SGIP1: variants seen among roughly 807,000 people sequenced by gnomAD.
The protein encoded by SGIP1 is SH3-containing GRB2-like protein 3-interacting protein 1.
In SGIP1, 38 loss-of-function variants were observed where a neutral mutation model predicts 107.5. The ratio of observed to expected loss-of-function variants is 0.35; its 90% CI spans 0.27 to 0.46. The LOEUF (loss-of-function observed/expected upper bound fraction) is 0.46. SGIP1 is among the 20% of genes least tolerant of loss of function. The pLI, the probability that SGIP1 is intolerant of heterozygous loss-of-function variation, is 1.00. For synonymous variants in SGIP1, 365 were observed against 366.1 expected (o/e 1.00, Z 0.03); for missense variants, 929 against 1,019.5 (o/e 0.91, Z 1.21).
intron 7 of SGIP1, among the ~76,000 whole-genome samples, chr1:66,645,010 G>A (rs1310016306): frequency 1.3e-5 from 2 of 152,062 alleles, no homozygotes; most frequent in African/African-American, 4.8e-5. Context: ...CTTTTCAGTG[G>A]CATCTTTCAA....
chr1:66,574,818 A>T (rs1056500592), intron 1 of SGIP1, among the ~76,000 whole-genome samples: 5 of 151,732 alleles, frequency 3.3e-5, no homozygotes, highest in African/African-American at 1.2e-4. Flanking sequence ...ACGCACATGT[A>T]TATGTGTGTA....
At position 66,682,294 on chromosome 1, in the gene SGIP1, C is replaced by G; in HGVS notation, c.1240C>G (p.Pro414Ala). ...GGGACAAAGAGCAACTCCACCTCCCCCACCACCACCCACCTACAGGACTGT... is the reference window on the plus strand; with the variant it reads ...GGGACAAAGAGCAACTCCACCTCCCGCACCACCACCCACCTACAGGACTGT... ...GLGQRATPPP[P>A]PPPTYRTVVS... Residue 414 changes from proline (P) to alanine (A), a missense_variant, in exon 15 of 25, where the codon CCA (proline) becomes GCA (alanine). By Grantham distance (27) the Pro-to-Ala change is conservative. Transcript: ENST00000371037. 6.2e-7 allele frequency: 1 copy of G among 1,614,236 alleles called. No individual in the cohort carries two copies. The highest frequency in any genetic ancestry group is 1.6e-4 in the Middle Eastern group (1 of 6,062).
intron 2 of SGIP1, among the ~76,000 whole-genome samples, chr1:66,630,877 A>AAGAGAGAGAGAGAG: frequency 1.7e-5 from 1 of 59,134 alleles, no homozygotes; most frequent in South Asian, 1.8e-3. Flanking sequence ...GAAAGAAAGA[A>AAGAGAGAGAGAGAG]AGAAAGAAAG....
chr1:66,739,831 C>T (rs2094389944), intron 22 of SGIP1, among the ~76,000 whole-genome samples: 1 of 152,180 alleles, frequency 6.6e-6, no homozygotes, highest in Non-Finnish European at 1.5e-5. Context: ...AAGTAGAAGG[C>T]TACCGGTAGA....
At chr1:66,681,213 G>T (rs1199940098) in intron 14 of SGIP1, among the ~76,000 whole-genome samples, 1 of 152,130 alleles carries the variant, frequency 6.6e-6, no homozygotes, top group Non-Finnish European at 1.5e-5. Flanking sequence ...TGTGTGTGGG[G>T]TGTATATATC....
At chr1:66,541,419 C>T (rs1370432743) in intron 1 of SGIP1, among the ~76,000 whole-genome samples, 2 of 152,234 alleles carry the variant, frequency 1.3e-5, no homozygotes, top group Non-Finnish European at 2.9e-5. Context: ...TGGGCTCATT[C>T]TTCTCACACA....
chr1:66,603,634 C>T (rs180773836), intron 1 of SGIP1, among the ~76,000 whole-genome samples: 9 of 152,116 alleles, frequency 5.9e-5, no homozygotes, highest in African/African-American at 2.2e-4. Context: ...TGATTAAAAG[C>T]TTAATATAAA....
intron 7 of SGIP1, 133 bp from the exon 8 acceptor site, chr1:66,660,380 C>A: frequency 3.8e-6 from 3 of 784,488 alleles, no homozygotes; most frequent in South Asian, 3.0e-5. Context: ...CCACAGGAAG[C>A]ATTTATAAAA....
At chr1:66,729,814 A>G (rs1197478139) in intron 20 of SGIP1, among the ~76,000 whole-genome samples, 1 of 152,060 alleles carries the variant, frequency 6.6e-6, no homozygotes. Context: ...TTTTTATTTT[A>G]TTTTTGAGAT....
intron 19 of SGIP1, among the ~76,000 whole-genome samples, chr1:66,728,063 T>C (rs2093839731): frequency 1.3e-5 from 2 of 152,158 alleles, no homozygotes; most frequent in South Asian, 4.1e-4. Context: ...AAAAGAATTG[T>C]TTTTCCTTCC....
chr1:66,706,808 A>C (rs1047334296), intron 18 of SGIP1, among the ~76,000 whole-genome samples: 2 of 152,120 alleles, frequency 1.3e-5, no homozygotes, highest in African/African-American at 4.8e-5. Context: ...TGTATAGTTT[A>C]TATTATCACA....
rs750908406 is a variant in SGIP1, at chr1:66,534,337, T to C, written c.-22T>C. On this transcript the variant is annotated 5_prime_UTR_variant, in exon 1 of 25. Coordinates refer to ENST00000371037, the MANE Select transcript of SGIP1 (RefSeq NM_032291.4). ...GTGTTTTTTCAGACTCCTTGGAAAT[T>C]AAGGAATGCAATTCTGCCACCATGA... 6.2e-7 allele frequency: 1 copy of C among 1,613,940 alleles called. No homozygotes were observed. Among genetic ancestry groups the C allele is most frequent in the Non-Finnish European group, 8.5e-7 (1 of 1,179,884 alleles).
At chr1:66,711,509 T>A (rs1475066978) in intron 18 of SGIP1, among the ~76,000 whole-genome samples, 1 of 152,174 alleles carries the variant, frequency 6.6e-6, no homozygotes, top group Non-Finnish European at 1.5e-5. Context: ...TTTTCCTAAT[T>A]CTAACTAATA....
At chr1:66,665,175 A>C (rs1373793569) in intron 8 of SGIP1, among the ~76,000 whole-genome samples, 1 of 152,064 alleles carries the variant, frequency 6.6e-6, no homozygotes, top group African/African-American at 2.4e-5. Flanking sequence ...CCCTGTGTCC[A>C]AGCATTCTCA....
At chr1:66,700,242 G>A (rs905568546) in intron 18 of SGIP1, among the ~76,000 whole-genome samples, 3 of 152,020 alleles carry the variant, frequency 2.0e-5, no homozygotes, top group Admixed American at 1.3e-4. Flanking sequence ...ATGGTGGCAC[G>A]TGCCTGTAAT....
chr1:66,608,546 AT>A (rs778010425), intron 1 of SGIP1, among the ~76,000 whole-genome samples: 13 of 152,222 alleles, frequency 8.5e-5, no homozygotes, highest in Non-Finnish European at 1.6e-4. Context: ...CTGTGCTATA[AT>A]TCAGCAGAGC....
At chr1:66,581,128 C>G (rs984754742) in intron 1 of SGIP1, among the ~76,000 whole-genome samples, 2 of 152,066 alleles carry the variant, frequency 1.3e-5, no homozygotes, top group Admixed American at 1.3e-4. Flanking sequence ...TTGAAACACT[C>G]TAAGACATGA....
intron 1 of SGIP1, among the ~76,000 whole-genome samples, chr1:66,574,911 A>G (rs1197404636): frequency 6.6e-6 from 1 of 152,182 alleles, no homozygotes; most frequent in Non-Finnish European, 1.5e-5. Context: ...TGGAGCGTTA[A>G]ACTATTATTT....
chr1:66,575,012 C>T (rs527527938), intron 1 of SGIP1, among the ~76,000 whole-genome samples: 5 of 152,248 alleles, frequency 3.3e-5, no homozygotes, highest in South Asian at 2.1e-4. Flanking sequence ...AAAATGTGGG[C>T]AAGCATATGA....
Sources: gnomAD v4.1 joint callset for allele counts (sites outside exome capture counted in the v4.1 genomes callset) on GRCh38, gnomAD v4.1.1 for gene constraint, MANE v1.5 for transcripts, NCBI Gene and HGNC (gene_info 2026-07-23, HGNC 2026-07-21) for gene names.